Variants in ZNF563 observed in about 807,000 individuals in gnomAD.
ZNF563 encodes the protein zinc finger protein 563.
ZNF563 carries 39 observed loss-of-function variants against 48.5 expected under a neutral mutation model. That is an observed-to-expected ratio of 0.80 (90% CI 0.62 to 1.05). The LOEUF is 1.05. Ranked by LOEUF, ZNF563 falls within the 50% of genes least tolerant of loss-of-function variation. ZNF563 has a pLI of 0.00. For missense variants in ZNF563, 538 were observed against 597.0 expected (o/e 0.90, Z 1.03); for synonymous variants, 168 against 187.9 (o/e 0.89, Z 0.87).
chr19:12,345,194 A>C, the ZNF563 span, among the ~76,000 whole-genome samples: 7,249 of 152,300 alleles, frequency 0.048, 567 homozygotes, highest in African/African-American at 0.17. Flanking sequence ...TGATCCCTAT[A>C]GAAATCCTAA....
intron 1 of ZNF563, among the ~76,000 whole-genome samples, chr19:12,328,848 T>C (rs928129772): frequency 3.3e-5 from 5 of 151,816 alleles, no homozygotes; most frequent in East Asian, 3.9e-4. Context: ...ACCAATAACT[T>C]AAATATAGTT....
chr19:12,335,197 T>C (rs1969005097), upstream of ZNF563, among the ~76,000 whole-genome samples: 1 of 152,174 alleles, frequency 6.6e-6, no homozygotes, highest in Non-Finnish European at 1.5e-5. Context: ...AAGTTTTTTC[T>C]CCACAGAGGG....
chr19:12,326,222 T>A (rs1417341183), intron 1 of ZNF563, among the ~76,000 whole-genome samples: 2 of 151,288 alleles, frequency 1.3e-5, no homozygotes, highest in African/African-American at 4.9e-5. Flanking sequence ...TAAAAGAAAA[T>A]CAGAAAATAG....
the ZNF563 span, among the ~76,000 whole-genome samples, chr19:12,342,365 G>GA: frequency 0.048 from 7,232 of 151,384 alleles, 567 homozygotes; most frequent in African/African-American, 0.17. Context: ...ATAATTATTG[G>GA]AAAAAAATAC....
chr19:12,327,332 C>T (rs191635098), intron 1 of ZNF563, among the ~76,000 whole-genome samples: 3 of 151,326 alleles, frequency 2.0e-5, no homozygotes, highest in East Asian at 1.9e-4. Flanking sequence ...TGGTGGCGGG[C>T]ATCTGTAGTC....
At position 12,319,176 on chromosome 19, in the gene ZNF563, A is replaced by T; in HGVS notation, c.849T>A (p.Cys283Ter). ...CACTGAAGGCTTTCCCACACTGTTTACATGTATATGGTTTCTCTCCAGTGT... is the reference window on the plus strand; with the variant it reads ...CACTGAAGGCTTTCCCACACTGTTTTCATGTATATGGTTTCTCTCCAGTGT... The part of the protein sequence containing the change: ...RTHTGEKPYT[C>*]KQCGKAFSVS... The change falls in exon 4 of 4, where the codon TGT (cysteine) becomes TGA (stop). Residue 283 changes from cysteine (C) to a stop codon, truncating the protein, a stop_gained. Transcript: ENST00000293725. LOFTEE classifies it high-confidence loss of function. 1.2e-6 allele frequency: 2 copies of T among 1,614,110 alleles called. No homozygotes were observed. Among genetic ancestry groups the T allele is most frequent in the Non-Finnish European group, 8.5e-7 (1 of 1,180,016 alleles).
chr19:12,338,334 A>C (rs1432085613), upstream of ZNF563, among the ~76,000 whole-genome samples: 1 of 151,986 alleles, frequency 6.6e-6, no homozygotes, highest in Non-Finnish European at 1.5e-5. Context: ...TGCAACCTCC[A>C]CCTCCTGGGC....
At chr19:12,341,060 A>C in the ZNF563 span, among the ~76,000 whole-genome samples, 1 of 152,098 alleles carries the variant, frequency 6.6e-6, no homozygotes, top group Non-Finnish European at 1.5e-5. Context: ...ATTTTTATTT[A>C]TTTATTTGGG....
chr19:12,342,215 A>C, the ZNF563 span, among the ~76,000 whole-genome samples: 648 of 151,988 alleles, frequency 4.3e-3, 4 homozygotes, highest in Non-Finnish European at 7.1e-3. Context: ...ATGAGGTCTT[A>C]CTATGTTGCC....
At chr19:12,334,125 T>C (rs776214889), upstream of ZNF563, among the ~76,000 whole-genome samples, 5 of 152,152 alleles carry the variant, frequency 3.3e-5, no homozygotes, top group Non-Finnish European at 5.9e-5. Context: ...ATGAGACTCT[T>C]GGCGGCAAGG....
At chr19:12,334,894 A>AAAAG (rs1969000915), upstream of ZNF563, among the ~76,000 whole-genome samples, 2 of 146,656 alleles carry the variant, frequency 1.4e-5, no homozygotes, top group African/African-American at 5.0e-5. Flanking sequence ...AAAAAAAAAA[A>AAAAG]GGTTACTTTA....
chr19:12,333,242 G>A (rs1231099815), intron 1 of ZNF563, among the ~76,000 whole-genome samples: 1 of 152,172 alleles, frequency 6.6e-6, no homozygotes, highest in East Asian at 1.9e-4. Flanking sequence ...GCCCAGACAG[G>A]GCTCCGAGGC....
At chr19:12,332,840 T>TTTTGC (rs1968956710) in intron 1 of ZNF563, among the ~76,000 whole-genome samples, 1 of 152,174 alleles carries the variant, frequency 6.6e-6, no homozygotes, top group Non-Finnish European at 1.5e-5. Context: ...TTGCGATGGA[T>TTTTGC]TTTGCTTCTT....
chr19:12,333,952 T>C (rs1968984857), upstream of ZNF563, among the ~76,000 whole-genome samples: 1 of 152,196 alleles, frequency 6.6e-6, no homozygotes, highest in African/African-American at 2.4e-5. Context: ...CTTACTGCCT[T>C]TTCCTCCTGG....
At chr19:12,337,999 G>C (rs1204664846), upstream of ZNF563, among the ~76,000 whole-genome samples, 1 of 152,186 alleles carries the variant, frequency 6.6e-6, no homozygotes, top group African/African-American at 2.4e-5. Context: ...CTATTCAGGA[G>C]ACTGAGGCAG....
chr19:12,340,227 C>G, the ZNF563 span, among the ~76,000 whole-genome samples: 7,421 of 151,956 alleles, frequency 0.049, 600 homozygotes, highest in African/African-American at 0.17. Flanking sequence ...CTAGCTACTC[C>G]GGAAGCTGAG....
At chr19:12,320,422 A>G (rs1278536801) in intron 3 of ZNF563, among the ~76,000 whole-genome samples, 3 of 151,994 alleles carry the variant, frequency 2.0e-5, no homozygotes, top group Non-Finnish European at 4.4e-5. Context: ...GGTTCATGCA[A>G]CCTTGACCTC....
chr19:12,334,308 A>C (rs557879380), upstream of ZNF563, among the ~76,000 whole-genome samples: 1 of 152,228 alleles, frequency 6.6e-6, no homozygotes, highest in South Asian at 2.1e-4. Flanking sequence ...AAAAAAGCAA[A>C]AACTTGAACT....
upstream of ZNF563, among the ~76,000 whole-genome samples, chr19:12,337,758 A>C (rs781316661): frequency 1.3e-5 from 2 of 152,200 alleles, no homozygotes; most frequent in Non-Finnish European, 2.9e-5. Flanking sequence ...GGTGGTATGA[A>C]GAACCCTGAG....
Sources: allele counts gnomAD v4.1 joint callset (sites outside exome capture counted in the v4.1 genomes callset), GRCh38; gene constraint gnomAD v4.1.1; transcripts MANE v1.5; gene names NCBI Gene and HGNC (gene_info 2026-07-23, HGNC 2026-07-21).